GRM5: variants seen among roughly 807,000 people sequenced by gnomAD.
The protein encoded by GRM5 is glutamate metabotropic receptor 5, also known as metabotropic glutamate receptor 5.
A neutral mutation model predicts 83.1 loss-of-function variants in GRM5; 19 were observed. The observed-to-expected ratio is 0.23, with a 90% CI of 0.16 to 0.34. The LOEUF (loss-of-function observed/expected upper bound fraction) is 0.34. GRM5 is among the 10% of genes least tolerant of loss of function. GRM5 has a pLI of 1.00. For synonymous variants in GRM5, 675 were observed against 633.6 expected, an observed-to-expected ratio of 1.07 and a Z score of -0.98; for missense variants, 1,160 against 1,588.3, an observed-to-expected ratio of 0.73 and a Z score of 4.58.
chr11:88,925,485 C>A (rs1370380506), intron 2 of GRM5, among the ~76,000 whole-genome samples: 1 of 152,088 alleles, frequency 6.6e-6, no homozygotes, highest in Admixed American at 6.6e-5. Context: ...TACAACATAA[C>A]CTTATTCACC....
At chr11:88,919,717 G>A (rs1945656507) in intron 2 of GRM5, among the ~76,000 whole-genome samples, 1 of 151,948 alleles carries the variant, frequency 6.6e-6, no homozygotes. Context: ...GAGAACAACA[G>A]AATAATATTA....
chr11:88,549,427 C>A (rs1942454503), intron 8 of GRM5, among the ~76,000 whole-genome samples: 1 of 149,946 alleles, frequency 6.7e-6, no homozygotes, highest in South Asian at 2.1e-4. Flanking sequence ...GTGACAGAGC[C>A]ACACCTTGTC....
At chr11:88,666,265 T>A (rs1044231494) in intron 3 of GRM5, among the ~76,000 whole-genome samples, 1 of 152,162 alleles carries the variant, frequency 6.6e-6, no homozygotes, top group Non-Finnish European at 1.5e-5. Context: ...GAAAACAGGT[T>A]TATTCTATTT....
intron 8 of GRM5, among the ~76,000 whole-genome samples, chr11:88,557,403 T>C (rs934691106): frequency 1.3e-5 from 2 of 152,102 alleles, no homozygotes; most frequent in African/African-American, 4.8e-5. Context: ...AAGTTTTGAT[T>C]GCATATGGTG....
chr11:88,783,923 G>A (rs942869768), intron 3 of GRM5, among the ~76,000 whole-genome samples: 1 of 152,046 alleles, frequency 6.6e-6, no homozygotes, highest in Non-Finnish European at 1.5e-5. Context: ...AAATCTGCTA[G>A]CAGTGAGTCC....
rs192891050 is a variant in GRM5 at position 88,737,191 on chromosome 11, T to G, written c.912-83788A>C. ...TGATACATTCTCATAAGTTACTGCT[T>G]CTTATGCTCAGACACAGATTTCATT... On this transcript the variant is annotated intron_variant, in intron 3 of 9. Coordinates refer to ENST00000305447, the MANE Select transcript of GRM5 (RefSeq NM_001143831.3). Among the ~76,000 whole-genome samples, 39 of 152,196 alleles carry G rather than the reference T, an allele frequency of 2.6e-4. 1 individual carries two copies. The East Asian group carries it at 6.4e-3, about 25-fold the overall frequency.
chr11:89,028,895 G>A (rs1379125461), intron 2 of GRM5, among the ~76,000 whole-genome samples: 16 of 152,178 alleles, frequency 1.1e-4, no homozygotes, highest in South Asian at 4.2e-4. Context: ...CCGTCAACCC[G>A]TCATCTACAT....
At chr11:88,728,363 T>C (rs1202972760) in intron 3 of GRM5, among the ~76,000 whole-genome samples, 1 of 151,972 alleles carries the variant, frequency 6.6e-6, no homozygotes. Context: ...TAACAAGTTC[T>C]GAAATTGAGG....
At chr11:88,913,894 T>C (rs1945546431) in intron 2 of GRM5, among the ~76,000 whole-genome samples, 1 of 152,124 alleles carries the variant, frequency 6.6e-6, no homozygotes, top group African/African-American at 2.4e-5. Flanking sequence ...CAGTTCCATA[T>C]CTCACTGGTC....
At chr11:89,001,849 A>G (rs1940392903) in intron 2 of GRM5, among the ~76,000 whole-genome samples, 1 of 152,116 alleles carries the variant, frequency 6.6e-6, no homozygotes, top group African/African-American at 2.4e-5. Context: ...TATCACATTA[A>G]TCATAATTAT....
intron 5 of GRM5, among the ~76,000 whole-genome samples, chr11:88,600,384 A>G (rs1271565521): frequency 6.8e-6 from 1 of 147,240 alleles, no homozygotes; most frequent in Non-Finnish European, 1.5e-5. Flanking sequence ...CTGCTTCTGA[A>G]ATGTTTTTCT....
intron 2 of GRM5, among the ~76,000 whole-genome samples, chr11:88,928,634 T>C (rs596370): frequency 1.3e-5 from 2 of 151,402 alleles, no homozygotes; most frequent in Admixed American, 6.6e-5. Context: ...ACTGATAAAA[T>C]GACAATTATA....
At chr11:88,684,629 T>C (rs1268220651) in intron 3 of GRM5, among the ~76,000 whole-genome samples, 2 of 152,150 alleles carry the variant, frequency 1.3e-5, no homozygotes, top group South Asian at 2.1e-4. Context: ...GACTCCAATA[T>C]AGTTTGGCTC....
Position 89,031,749 on chromosome 11 carries a change from T to A in GRM5, c.661+15463A>T, listed in dbSNP as rs567008254. Among the ~76,000 whole-genome samples, 320 of 152,152 alleles carry A rather than the reference T, an allele frequency of 2.1e-3. 1 individual carries two copies. Among genetic ancestry groups the A allele is most frequent in the Non-Finnish European group, 2.3e-3 (156 of 67,926 alleles). On this transcript the variant is annotated intron_variant, in intron 2 of 9. Coordinates refer to ENST00000305447, the MANE Select transcript of GRM5 (RefSeq NM_001143831.3). ...TCTTCTCTTATTTCTTTTCTAAATG[T>A]TAAATAATACCTAGCTATTAAATCA...
chr11:88,895,534 A>T (rs764636480), intron 2 of GRM5, among the ~76,000 whole-genome samples: 1 of 151,994 alleles, frequency 6.6e-6, no homozygotes, highest in African/African-American at 2.4e-5. Flanking sequence ...AACTATCATA[A>T]TTGGATTGTG....
intron 2 of GRM5, among the ~76,000 whole-genome samples, chr11:89,000,136 C>T (rs1940324760): frequency 6.6e-6 from 1 of 151,794 alleles, no homozygotes; most frequent in East Asian, 1.9e-4. Flanking sequence ...ATACCTAATG[C>T]TAAATGAGGA....
In GRM5 at chr11:88,566,949, TG is replaced by T. The variant is rs1265241124; in HGVS notation, c.2630+103del. 6.9e-6 allele frequency: 5 copies of T among 719,586 alleles called. No homozygotes were observed. The African/African-American group carries it at 7.1e-5, about 10-fold the overall frequency. 44.6% of individuals were successfully genotyped at this position (719,586 alleles called of 1,614,324 possible). A position where few individuals can be genotyped will look rare whatever the true frequency, so the allele number is the denominator to read the frequency against. On this transcript the variant is annotated intron_variant, in intron 8 of 9. Transcript: ENST00000305447. ...ATGCCGTAAGTCACCCTGCCTCACA[TG>T]GTTTCATTTACCCAGATTTCTCCCA...
At chr11:88,639,280 C>T (rs1423023438) in intron 4 of GRM5, among the ~76,000 whole-genome samples, 1 of 152,146 alleles carries the variant, frequency 6.6e-6, no homozygotes, top group Non-Finnish European at 1.5e-5. Flanking sequence ...CTCCAGCATT[C>T]TCTCTTCACG....
chr11:88,613,947 C>A (rs1938398118), intron 4 of GRM5, among the ~76,000 whole-genome samples: 3 of 152,222 alleles, frequency 2.0e-5, no homozygotes, highest in East Asian at 3.9e-4. Context: ...ACCTACCTTT[C>A]CCTATTTAAC....
Sources: allele counts gnomAD v4.1 joint callset (sites outside exome capture counted in the v4.1 genomes callset), GRCh38; gene constraint gnomAD v4.1.1; transcripts MANE v1.5; gene names NCBI Gene and HGNC (gene_info 2026-07-23, HGNC 2026-07-21).